CSMD3: variants seen among roughly 807,000 people sequenced by gnomAD.
CSMD3 encodes CUB and sushi domain-containing protein 3.
In CSMD3, 177 loss-of-function variants were observed where a neutral mutation model predicts 435.2. The ratio of observed to expected loss-of-function variants is 0.41; its 90% CI spans 0.36 to 0.46. The LOEUF is 0.46. Ranked by LOEUF, CSMD3 falls within the 20% of genes least tolerant of loss-of-function variation. The probability of loss-of-function intolerance (pLI) is 0.34; values close to 1 mark genes in which losing one functional copy is unlikely to be tolerated. For missense variants in CSMD3, 4,265 were observed against 4,504.6 expected (o/e 0.95, Z 1.52); for synonymous variants, 1,656 against 1,520.5 (o/e 1.09, Z -2.07).
chr8:112,517,174 C>T lies in CSMD3; in HGVS notation c.4616G>A (p.Arg1539Gln), dbSNP rs1472368863. 7.4e-6 allele frequency: 12 copies of T among 1,613,570 alleles called. No homozygotes were observed. Among genetic ancestry groups the T allele is most frequent in the Admixed American group, 3.3e-5 (2 of 59,868 alleles). ...CCCAGGTTCTCTTCCATCCCCATTT[C>T]GAGTCCCATTCATGGGGACCCCTGG... ...RDPGVPMNGT[R>Q]NGDGREPGDT... The change falls in exon 28 of 71, where the codon CGA becomes CAA. Residue 1539 changes from arginine to glutamine, a missense_variant. Arg to Gln is a conservative substitution (Grantham distance 43, BLOSUM62 1). Transcript: ENST00000297405.
chr8:113,179,919 G>A (rs2092400629), intron 3 of CSMD3, among the ~76,000 whole-genome samples: 1 of 151,718 alleles, frequency 6.6e-6, no homozygotes, highest in Non-Finnish European at 1.5e-5. Context: ...AGTTGCGAAA[G>A]GCAAAATGTT....
Position 112,970,200 on chromosome 8 carries a change from T to C in CSMD3, c.1342+5637A>G, listed in dbSNP as rs114143688. 4.7e-3 allele frequency among the ~76,000 whole-genome samples: 718 copies of C among 151,990 alleles called. 6 individuals carry two copies. The highest frequency in any genetic ancestry group is 0.016 in the African/African-American group (670 of 41,508). On this transcript the variant is annotated intron_variant, in intron 7 of 70. Coordinates refer to ENST00000297405, the MANE Select transcript of CSMD3 (RefSeq NM_198123.2). ...TCTAAAATCATGTCATTACATAGGT[T>C]CTTCTATTTTCAAGTCAATGTTAGG...
chr8:113,301,788 C>G (rs1003500922), intron 2 of CSMD3, among the ~76,000 whole-genome samples: 8 of 151,916 alleles, frequency 5.3e-5, no homozygotes, highest in Non-Finnish European at 8.8e-5. Context: ...TTTTAAATAA[C>G]TTTATAACAT....
At chr8:112,349,693 A>G (rs1825972770) in intron 40 of CSMD3, among the ~76,000 whole-genome samples, 1 of 152,140 alleles carries the variant, frequency 6.6e-6, no homozygotes, top group South Asian at 2.1e-4. Flanking sequence ...AAATTGGTAT[A>G]ATATGCATTT....
At chr8:112,864,863 T>C (rs1170901316) in intron 10 of CSMD3, among the ~76,000 whole-genome samples, 1 of 152,214 alleles carries the variant, frequency 6.6e-6, no homozygotes. Context: ...TATGATTATC[T>C]TAACTTTTAG....
intron 62 of CSMD3, 96 bp downstream of exon 62, chr8:112,255,158 A>G (rs554379942): frequency 1.0e-6 from 1 of 1,001,952 alleles, no homozygotes; most frequent in South Asian, 1.4e-5. Context: ...TTTTTATATT[A>G]AGCCAACTAT....
At chr8:113,427,920 C>T (rs1198748511) in intron 1 of CSMD3, among the ~76,000 whole-genome samples, 1 of 151,554 alleles carries the variant, frequency 6.6e-6, no homozygotes, top group Admixed American at 6.6e-5. Context: ...AATTTATCTG[C>T]ATTCACAAAT....
chr8:112,952,686 A>G (rs1213565759), intron 8 of CSMD3, among the ~76,000 whole-genome samples: 3 of 151,542 alleles, frequency 2.0e-5, no homozygotes, highest in Non-Finnish European at 3.0e-5. Context: ...TTTTGACTGA[A>G]GTGAGAATTA....
chr8:113,004,847 A>T (rs985660024), intron 6 of CSMD3, among the ~76,000 whole-genome samples: 1 of 151,244 alleles, frequency 6.6e-6, no homozygotes, highest in Non-Finnish European at 1.5e-5. Flanking sequence ...GAATTTATGT[A>T]ATTTAATGAT....
At chr8:112,892,455 A>C (rs1040216472) in intron 10 of CSMD3, among the ~76,000 whole-genome samples, 6 of 151,548 alleles carry the variant, frequency 4.0e-5, no homozygotes, top group Non-Finnish European at 8.9e-5. Flanking sequence ...AAAATAATTT[A>C]TTATGGTATC....
chr8:113,426,790 T>C (rs1347822571), intron 1 of CSMD3, among the ~76,000 whole-genome samples: 1 of 151,554 alleles, frequency 6.6e-6, no homozygotes, highest in South Asian at 2.1e-4. Flanking sequence ...ACCTGGCTGA[T>C]GGCTGATCAT....
At chr8:112,770,779 T>A (rs1425933598) in intron 13 of CSMD3, among the ~76,000 whole-genome samples, 1 of 152,012 alleles carries the variant, frequency 6.6e-6, no homozygotes, top group Non-Finnish European at 1.5e-5. Flanking sequence ...CATACTGACA[T>A]CAATTTTTGA....
intron 31 of CSMD3, among the ~76,000 whole-genome samples, chr8:112,472,960 A>T (rs903062906): frequency 6.6e-6 from 1 of 152,216 alleles, no homozygotes; most frequent in African/African-American, 2.4e-5. Flanking sequence ...GGTGTTACCT[A>T]GAAATATAAT....
chr8:112,497,395 G>C (rs539965401), intron 30 of CSMD3, among the ~76,000 whole-genome samples: 2 of 151,712 alleles, frequency 1.3e-5, no homozygotes, highest in African/African-American at 4.8e-5. Context: ...AATGATAAAT[G>C]CTTGATGTGA....
rs75062115 is a variant in CSMD3, at chr8:112,889,819, C to T, written c.1634-30553G>A. ...GAACTAAAATCTTACTGACTCTACC[C>T]TCCCTTCCTACCTCCAGACTTGTAA... On this transcript the variant is annotated intron_variant, in intron 10 of 70. Coordinates refer to ENST00000297405, the MANE Select transcript of CSMD3 (RefSeq NM_198123.2). Among the ~76,000 whole-genome samples the T allele has an allele frequency of 2.6e-4, 40 of 151,692 alleles. No homozygotes were observed. In the East Asian group the frequency reaches 7.7e-3, roughly 29 times the overall value.
At position 113,099,351 on chromosome 8, in the gene CSMD3, G is replaced by C. The variant is rs151074321; in HGVS notation, c.710-388C>G. Among the ~76,000 whole-genome samples the C allele has an allele frequency of 1.5e-3, 233 of 152,112 alleles. 5 individuals carry two copies. In the East Asian group the frequency reaches 0.041, roughly 27 times the overall value. On this transcript the variant is annotated intron_variant, in intron 4 of 70. Coordinates refer to ENST00000297405, the MANE Select transcript of CSMD3 (RefSeq NM_198123.2). The stretch of plus-strand genomic sequence containing the variant: ...GAAATCTTTGATCACTTTGTTTATT[G>C]ACGGAAGAGCTTTTTGGTTTTTCAA...
intron 3 of CSMD3, among the ~76,000 whole-genome samples, chr8:113,195,837 ACACC>A (rs2092648585): frequency 6.8e-6 from 1 of 146,752 alleles, no homozygotes; most frequent in Admixed American, 6.9e-5. Context: ...ACACACACAC[ACACC>A]CCCACACACA....
chr8:113,333,513 C>T (rs1046234856), intron 1 of CSMD3, among the ~76,000 whole-genome samples: 6 of 151,806 alleles, frequency 4.0e-5, no homozygotes, highest in Non-Finnish European at 8.9e-5. Context: ...AATGATCCAG[C>T]ACTATTTAGT....
intron 27 of CSMD3, among the ~76,000 whole-genome samples, chr8:112,529,421 C>T (rs1825306000): frequency 6.6e-6 from 1 of 152,052 alleles, no homozygotes; most frequent in Non-Finnish European, 1.5e-5. Flanking sequence ...AACCACAACC[C>T]TACAAAAAGT....
Sources: allele counts gnomAD v4.1 joint callset (sites outside exome capture counted in the v4.1 genomes callset), GRCh38; gene constraint gnomAD v4.1.1; transcripts MANE v1.5; gene names NCBI Gene and HGNC (gene_info 2026-07-23, HGNC 2026-07-21).